Variants in MYO16 observed in about 807,000 individuals in gnomAD.
MYO16 encodes the protein unconventional myosin-XVI.
Under a neutral mutation model 205.3 loss-of-function variants are expected in MYO16, and 94 were observed. The observed-to-expected ratio is 0.46, with a 90% CI of 0.39 to 0.54. The LOEUF (loss-of-function observed/expected upper bound fraction) is 0.54, where lower values mean the gene tolerates loss of function less well. Among genes scored for constraint, MYO16 ranks in the 20% least tolerant of loss-of-function variants. MYO16 has a pLI of 0.00. For synonymous variants in MYO16, 988 were observed against 954.0 expected, an observed-to-expected ratio of 1.04 and a Z score of -0.66; for missense variants, 2,315 against 2,387.5, an observed-to-expected ratio of 0.97 and a Z score of 0.63.
chr13:108,911,152 G>A (rs748361675), intron 16 of MYO16, among the ~76,000 whole-genome samples: 4 of 151,976 alleles, frequency 2.6e-5, no homozygotes, highest in Non-Finnish European at 4.4e-5. Flanking sequence ...ACAAATTGGC[G>A]GGGGGCAACT....
At chr13:108,772,784 G>A (rs979281481) in intron 4 of MYO16, among the ~76,000 whole-genome samples, 3 of 152,180 alleles carry the variant, frequency 2.0e-5, no homozygotes, top group East Asian at 1.9e-4. Flanking sequence ...CCTGTAACCC[G>A]CTTTCAAGCA....
the MYO16 span, among the ~76,000 whole-genome samples, chr13:108,499,649 AG>A: frequency 6.6e-6 from 1 of 152,216 alleles, no homozygotes; most frequent in Non-Finnish European, 1.5e-5. Context: ...ATTAATTCCA[AG>A]GAAGTTTAGG....
At chr13:108,704,790 A>G (rs1449534291) in intron 2 of MYO16, among the ~76,000 whole-genome samples, 1 of 152,132 alleles carries the variant, frequency 6.6e-6, no homozygotes, top group African/African-American at 2.4e-5. Flanking sequence ...AAAGTAGTGA[A>G]CAATATCCAA....
the MYO16 span, among the ~76,000 whole-genome samples, chr13:108,501,026 G>A: frequency 6.6e-6 from 1 of 152,116 alleles, no homozygotes; most frequent in Non-Finnish European, 1.5e-5. Flanking sequence ...TGTACACTGG[G>A]CATGAGCTGC....
At chr13:108,970,078 C>T (rs1594435201) in intron 20 of MYO16, among the ~76,000 whole-genome samples, 1 of 152,140 alleles carries the variant, frequency 6.6e-6, no homozygotes, top group African/African-American at 2.4e-5. Flanking sequence ...TGGGGGAACA[C>T]GTTAAAATTA....
chr13:108,699,380 G>A (rs1284888750), intron 2 of MYO16, among the ~76,000 whole-genome samples: 1 of 151,888 alleles, frequency 6.6e-6, no homozygotes, highest in Non-Finnish European at 1.5e-5. Context: ...AGTTATGTCA[G>A]TTCTTTTTGT....
chr13:108,698,230 CAG>C (rs1477021868), intron 2 of MYO16, among the ~76,000 whole-genome samples: 1 of 152,078 alleles, frequency 6.6e-6, no homozygotes. Context: ...CAGTGGTATT[CAG>C]AGAATAAAGA....
chr13:108,868,491 C>T lies in MYO16; in HGVS notation c.1425+2249C>T, dbSNP rs989422143. Among the ~76,000 whole-genome samples, 3 of 152,294 alleles carry T rather than the reference C, an allele frequency of 2.0e-5. No homozygotes were observed. In the South Asian group the frequency reaches 6.2e-4, roughly 32 times the overall value. ...ATTAAAAACTTTAAAATTGGTTCAT[C>T]TACCTTTTTTATTGACTTGAAAGAT... On this transcript the variant is annotated intron_variant, in intron 12 of 34. Transcript: ENST00000457511.
At chr13:108,538,436 A>G in the MYO16 span, among the ~76,000 whole-genome samples, 18 of 152,228 alleles carry the variant, frequency 1.2e-4, no homozygotes, top group African/African-American at 4.3e-4. Context: ...ATCAAGAGAA[A>G]TTCCACTAGT....
At chr13:109,110,832 A>G (rs1889262615) in intron 28 of MYO16, among the ~76,000 whole-genome samples, 1 of 152,242 alleles carries the variant, frequency 6.6e-6, no homozygotes, top group South Asian at 2.1e-4. Flanking sequence ...GGATGCCTTT[A>G]GTTCAATGGT....
intron 18 of MYO16, among the ~76,000 whole-genome samples, chr13:108,962,045 A>C (rs1883605658): frequency 6.6e-6 from 1 of 152,210 alleles, no homozygotes; most frequent in Admixed American, 6.5e-5. Context: ...CTCTCTTTGA[A>C]GTTGCCTCGT....
At chr13:108,774,974 A>C (rs2138890810) in intron 4 of MYO16, among the ~76,000 whole-genome samples, 1 of 152,362 alleles carries the variant, frequency 6.6e-6, no homozygotes, top group Admixed American at 6.5e-5. Flanking sequence ...TAGAAAATGT[A>C]GAGTGATTGC....
the MYO16 span, among the ~76,000 whole-genome samples, chr13:108,551,383 G>C: frequency 6.6e-6 from 1 of 152,152 alleles, no homozygotes; most frequent in Admixed American, 6.5e-5. Context: ...ACAAGTGACT[G>C]GTCCTGCCTG....
intron 27 of MYO16, among the ~76,000 whole-genome samples, chr13:109,059,083 C>A (rs1401026366): frequency 6.6e-6 from 1 of 152,126 alleles, no homozygotes; most frequent in Non-Finnish European, 1.5e-5. Flanking sequence ...TTGTTTCCAC[C>A]ACATCTGCAG....
intron 5 of MYO16, among the ~76,000 whole-genome samples, chr13:108,787,062 G>A (rs996239008): frequency 3.3e-5 from 5 of 152,204 alleles, no homozygotes; most frequent in Admixed American, 1.3e-4. Context: ...AAAACTTGGC[G>A]CAATGGTGCC....
At chr13:108,535,396 T>A in the MYO16 span, among the ~76,000 whole-genome samples, 79 of 152,326 alleles carry the variant, frequency 5.2e-4, no homozygotes, top group African/African-American at 1.6e-3. Flanking sequence ...GGTGGTCCCA[T>A]GATCATTCCG....
Position 108,812,787 on chromosome 13 carries a change from G to A in MYO16, c.867+5983G>A, listed in dbSNP as rs181631389. Reference sequence around the variant, plus strand: ...TTCACCCTCATGAAAGGATTAATACGACTATAAAAAGAAATTGCAGGAGTG... The same window carrying A: ...TTCACCCTCATGAAAGGATTAATACAACTATAAAAAGAAATTGCAGGAGTG... On this transcript the variant is annotated intron_variant, in intron 7 of 34. Transcript: ENST00000457511. Among the ~76,000 whole-genome samples, 25 of 152,142 alleles carry A rather than the reference G, an allele frequency of 1.6e-4. No individual in the cohort carries two copies. In the South Asian group the frequency reaches 2.9e-3, roughly 18 times the overall value.
chr13:108,506,453 T>C, the MYO16 span, among the ~76,000 whole-genome samples: 1 of 152,166 alleles, frequency 6.6e-6, no homozygotes. Flanking sequence ...TTAAATTTCA[T>C]TTTTGGATTC....
At chr13:108,849,981 C>T (rs2027258) in intron 10 of MYO16, among the ~76,000 whole-genome samples, 82,420 of 127,640 alleles carry the variant, frequency 0.65, 27,606 homozygotes, top group African/African-American at 0.77. Context: ...GTGTGTGTAA[C>T]TTATCCATAC....
Sources: allele counts gnomAD v4.1 joint callset (sites outside exome capture counted in the v4.1 genomes callset), GRCh38; gene constraint gnomAD v4.1.1; transcripts MANE v1.5; gene names NCBI Gene and HGNC (gene_info 2026-07-23, HGNC 2026-07-21).